Variants in CNGB3 observed in about 807,000 individuals in gnomAD.
CNGB3 encodes cyclic nucleotide-gated channel beta-3.
A neutral mutation model predicts 92.8 loss-of-function variants in CNGB3; 86 were observed. The ratio of observed to expected loss-of-function variants is 0.93; its 90% CI spans 0.78 to 1.11. The LOEUF is 1.11. Among genes scored for constraint, CNGB3 ranks in the 50% least tolerant of loss-of-function variants. CNGB3 has a pLI of 0.00. For synonymous variants in CNGB3, 333 were observed against 332.7 expected (o/e 1.00, Z -0.01); for missense variants, 1,026 against 956.8 (o/e 1.07, Z -0.95).
intron 14 of CNGB3, among the ~76,000 whole-genome samples, chr8:86,610,981 C>T (rs1585968168): frequency 6.6e-6 from 1 of 152,124 alleles, no homozygotes; most frequent in East Asian, 1.9e-4. Flanking sequence ...TGTTTCAGAA[C>T]ATATGTACAG....
At chr8:86,653,534 G>C (rs902899210) in intron 7 of CNGB3, among the ~76,000 whole-genome samples, 1 of 152,000 alleles carries the variant, frequency 6.6e-6, no homozygotes, top group Non-Finnish European at 1.5e-5. Context: ...AAAGTACTTA[G>C]AAAATAATTA....
Position 86,674,038 on chromosome 8 carries a change from A to C in CNGB3, c.339-2940T>G, listed in dbSNP as rs193029006. On this transcript the variant is annotated intron_variant, in intron 3 of 17. Transcript: ENST00000320005. ...AGATCAGCACAACGTAGGTTTTAAT[A>C]AATGCTTATTGAGTAAATACACCCA... 1.1e-3 allele frequency among the ~76,000 whole-genome samples: 169 copies of C among 152,346 alleles called. 2 individuals carry two copies. The highest frequency in any genetic ancestry group is 5.1e-4 in the Non-Finnish European group (35 of 68,032).
chr8:86,694,129 A>C (rs1427884392), intron 3 of CNGB3, among the ~76,000 whole-genome samples: 14 of 94,804 alleles, frequency 1.5e-4, no homozygotes, highest in South Asian at 4.3e-4. Flanking sequence ...CGGGGGGCTG[A>C]CCCCCCCACC....
intron 1 of CNGB3, among the ~76,000 whole-genome samples, chr8:86,742,665 G>A (rs575781929): frequency 2.0e-5 from 3 of 152,218 alleles, no homozygotes; most frequent in African/African-American, 4.8e-5. Flanking sequence ...AGTAATTCAC[G>A]AAAATTATTC....
chr8:86,742,053 T>C (rs1825352550), intron 1 of CNGB3, among the ~76,000 whole-genome samples: 2 of 152,322 alleles, frequency 1.3e-5, no homozygotes, highest in Middle Eastern at 3.4e-3. Context: ...GACCTGTGAC[T>C]GTTGTGAGGA....
At position 86,575,860 on chromosome 8, in the gene CNGB3, CA is replaced by C; in HGVS notation, c.2373del (p.Ala792LeufsTer37). On this transcript the variant is annotated frameshift_variant, in exon 18 of 18. Coordinates refer to ENST00000320005, the MANE Select transcript of CNGB3 (RefSeq NM_019098.5). LOFTEE classifies it high-confidence loss of function. The stretch of plus-strand genomic sequence containing the variant: ...GTAAGAACCTCTTCTCCGCCCTCAG[CA>C]GAAGGAGCCATGCTGATAATGAGTG... ...RQSLIISMAP[S>X]AEGGEEVLTI... is the part of the protein sequence containing the mutation. The C allele has an allele frequency of 1.2e-6, 2 of 1,613,298 alleles. No homozygotes were observed. The highest frequency in any genetic ancestry group is 1.7e-4 in the Middle Eastern group (1 of 6,056).
intron 10 of CNGB3, among the ~76,000 whole-genome samples, chr8:86,635,853 TATATATATATACACATAC>T (rs1823058319): frequency 1.2e-5 from 1 of 80,378 alleles, no homozygotes; most frequent in African/African-American, 6.5e-5. Flanking sequence ...TATATATATA[TATATATATATACACATAC>T]ACATATACTT....
intron 13 of CNGB3, among the ~76,000 whole-genome samples, chr8:86,615,044 G>A (rs116663725): frequency 2.9e-3 from 436 of 152,128 alleles, no homozygotes; most frequent in African/African-American, 9.7e-3. Context: ...CGAAAAATAC[G>A]GTATAACTAC....
intron 3 of CNGB3, among the ~76,000 whole-genome samples, chr8:86,721,850 G>T (rs187537452): frequency 5.7e-4 from 87 of 152,166 alleles, no homozygotes; most frequent in African/African-American, 1.9e-3. Flanking sequence ...CATCTTTACT[G>T]CAGTGATTCT....
chr8:86,681,339 T>TGC (rs1451351527), intron 3 of CNGB3, among the ~76,000 whole-genome samples: 1 of 152,152 alleles, frequency 6.6e-6, no homozygotes, highest in Non-Finnish European at 1.5e-5. Context: ...TTAGCTAAAC[T>TGC]GCCGAATGAA....
intron 2 of CNGB3, among the ~76,000 whole-genome samples, chr8:86,734,342 G>A (rs1825209299): frequency 6.6e-6 from 1 of 152,240 alleles, no homozygotes; most frequent in African/African-American, 2.4e-5. Context: ...TAGGGGTCTT[G>A]GCTGTGGAAA....
chr8:86,701,503 A>G (rs1327878838), intron 3 of CNGB3, among the ~76,000 whole-genome samples: 1 of 152,184 alleles, frequency 6.6e-6, no homozygotes, highest in Non-Finnish European at 1.5e-5. Context: ...AATCCTCTCT[A>G]CATCATATCT....
intron 14 of CNGB3, among the ~76,000 whole-genome samples, chr8:86,605,239 C>T (rs1345965342): frequency 6.6e-6 from 1 of 152,150 alleles, no homozygotes; most frequent in Non-Finnish European, 1.5e-5. Flanking sequence ...TGAGTTCTTA[C>T]AAGTAAATCA....
At chr8:86,658,284 A>C in intron 6 of CNGB3, 1 of 514,044 alleles carries the variant, frequency 1.9e-6, no homozygotes, top group African/African-American at 2.0e-5. Context: ...AAATGCCACC[A>C]TGGCCTCCCG....
intron 3 of CNGB3, among the ~76,000 whole-genome samples, chr8:86,682,495 C>T (rs1040903832): frequency 1.3e-5 from 2 of 152,050 alleles, no homozygotes; most frequent in African/African-American, 4.8e-5. Flanking sequence ...ACTTCAACTC[C>T]CCAAAACAAA....
Position 86,604,186 on chromosome 8 carries a change from A to C in CNGB3, c.1688T>G (p.Ile563Ser). 1 of 1,612,820 alleles carries C rather than the reference A, an allele frequency of 6.2e-7. No homozygotes were observed. Among genetic ancestry groups the C allele is most frequent in the Non-Finnish European group, 8.5e-7 (1 of 1,178,886 alleles). ...KKGEIGKEMY[I>S]IKHGEVQVLG... The stretch of plus-strand genomic sequence containing the variant: ...AACTTGGACTTCTCCATGCTTGATG[A>C]TATACATTTCCTTGCCAATTTCTCC... Residue 563 changes from isoleucine to serine, a missense_variant, in exon 15 of 18, where the codon ATC (isoleucine) becomes AGC (serine). Physicochemically the swap from Ile to Ser is moderately radical, Grantham distance 142. Coordinates refer to ENST00000320005, the MANE Select transcript of CNGB3 (RefSeq NM_019098.5).
At chr8:86,591,575 G>T (rs1822037045) in intron 15 of CNGB3, among the ~76,000 whole-genome samples, 1 of 151,990 alleles carries the variant, frequency 6.6e-6, no homozygotes, top group African/African-American at 2.4e-5. Flanking sequence ...ACCCTCAGCT[G>T]CAGGTCTGTT....
chr8:86,731,113 T>C (rs988531165), intron 2 of CNGB3, among the ~76,000 whole-genome samples: 6 of 152,198 alleles, frequency 3.9e-5, no homozygotes, highest in Admixed American at 3.9e-4. Flanking sequence ...GAAAATAGAT[T>C]TATTTCATGT....
intron 3 of CNGB3, among the ~76,000 whole-genome samples, chr8:86,682,111 G>A (rs764141938): frequency 1.4e-4 from 22 of 152,136 alleles, no homozygotes; most frequent in Non-Finnish European, 2.5e-4. Flanking sequence ...TTTAGTATAG[G>A]CCTTGAGGCT....
Sources: gnomAD v4.1 joint callset for allele counts (sites outside exome capture counted in the v4.1 genomes callset) on GRCh38, gnomAD v4.1.1 for gene constraint, MANE v1.5 for transcripts, NCBI Gene and HGNC (gene_info 2026-07-23, HGNC 2026-07-21) for gene names.